The following CDH11 variants were observed in gnomAD, a reference collection of about 807,000 sequenced individuals.
The protein encoded by CDH11 is cadherin-11.
CDH11 carries 11 observed loss-of-function variants against 67.8 expected under a neutral mutation model. The observed-to-expected ratio is 0.16, with a 90% CI of 0.10 to 0.27. The LOEUF (loss-of-function observed/expected upper bound fraction) is 0.27, where lower values mean the gene tolerates loss of function less well. Among genes scored for constraint, CDH11 ranks in the 10% least tolerant of loss-of-function variants. The pLI, the probability that CDH11 is intolerant of heterozygous loss-of-function variation, is 1.00. For missense variants in CDH11, 847 were observed against 1,031.2 expected (o/e 0.82, Z 2.45); for synonymous variants, 419 against 400.0 (o/e 1.05, Z -0.57).
chr16:65,109,917 T>C (rs1435319972), intron 1 of CDH11, among the ~76,000 whole-genome samples: 3 of 152,206 alleles, frequency 2.0e-5, no homozygotes, highest in Non-Finnish European at 4.4e-5. Flanking sequence ...GGTCTGGATC[T>C]GACACCCAAG....
intron 2 of CDH11, among the ~76,000 whole-genome samples, chr16:65,018,285 A>G (rs1597098271): frequency 6.6e-6 from 1 of 152,164 alleles, no homozygotes; most frequent in East Asian, 1.9e-4. Context: ...AATTTTCCCA[A>G]GTGGCTTTTA....
chr16:65,062,443 C>T (rs1472446345), intron 1 of CDH11, among the ~76,000 whole-genome samples: 2 of 152,108 alleles, frequency 1.3e-5, no homozygotes, highest in East Asian at 3.9e-4. Context: ...GCTATCTTTC[C>T]ATAGTAAGAA....
intron 2 of CDH11, 58 bp from the exon 3 acceptor site, chr16:65,005,099 C>CCCCACTT: frequency 7.5e-7 from 1 of 1,324,692 alleles, no homozygotes; most frequent in South Asian, 2.2e-5. Flanking sequence ...CATTTCCATT[C>CCCCACTT]CTTTCAGTAA....
intron 2 of CDH11, among the ~76,000 whole-genome samples, chr16:65,040,085 G>A (rs2073836554): frequency 6.6e-6 from 1 of 152,164 alleles, no homozygotes; most frequent in Non-Finnish European, 1.5e-5. Flanking sequence ...GGAGAAATAG[G>A]AACACTTTTA....
intron 1 of CDH11, among the ~76,000 whole-genome samples, chr16:65,114,108 CTAGAGT>C (rs1364586493): frequency 1.3e-5 from 2 of 152,090 alleles, no homozygotes; most frequent in African/African-American, 4.8e-5. Context: ...CTTTTAATGA[CTAGAGT>C]TAATGAATCA....
rs190142405 is a variant in CDH11, at chr16:65,040,464, C to A, written c.-173+13340G>T. ...GCAAACTATCGCAAGGACAAAAAAA[C>A]CAAACACCGCGTGTTCTCAGTCATA... On this transcript the variant is annotated intron_variant, in intron 2 of 12. Coordinates refer to ENST00000268603, the MANE Select transcript of CDH11 (RefSeq NM_001797.4). Among the ~76,000 whole-genome samples, 478 of 152,034 alleles carry A rather than the reference C, an allele frequency of 3.1e-3. 1 individual carries two copies. The highest frequency in any genetic ancestry group is 3.8e-3 in the Non-Finnish European group (258 of 68,002).
intron 2 of CDH11, among the ~76,000 whole-genome samples, chr16:65,008,640 G>A (rs914235452): frequency 1.3e-5 from 2 of 152,078 alleles, no homozygotes; most frequent in Non-Finnish European, 2.9e-5. Flanking sequence ...GCAGACTTAC[G>A]CTTCTAGTAA....
At chr16:65,008,270 T>C (rs1388644652) in intron 2 of CDH11, among the ~76,000 whole-genome samples, 2 of 152,230 alleles carry the variant, frequency 1.3e-5, no homozygotes, top group Non-Finnish European at 2.9e-5. Flanking sequence ...TAACATTCAA[T>C]CTGTTAAAAA....
intron 4 of CDH11, among the ~76,000 whole-genome samples, chr16:64,995,005 G>A (rs985748056): frequency 1.3e-5 from 2 of 152,168 alleles, no homozygotes; most frequent in Admixed American, 6.5e-5. Flanking sequence ...TAACCAAGGA[G>A]GTAAATGATC....
At chr16:64,951,779 T>C (rs1175682788) in intron 11 of CDH11, among the ~76,000 whole-genome samples, 1 of 152,182 alleles carries the variant, frequency 6.6e-6, no homozygotes, top group Non-Finnish European at 1.5e-5. Flanking sequence ...ATCCACTCAT[T>C]AGTCATGTAA....
At position 64,998,779 on chromosome 16, in the gene CDH11, C is replaced by A. The variant is rs1314799552; in HGVS notation, c.306G>T (p.Val102=). The A allele has an allele frequency of 6.2e-7, 1 of 1,614,116 alleles. No individual in the cohort carries two copies. The highest frequency in any genetic ancestry group is 8.5e-7 in the Non-Finnish European group (1 of 1,179,980). Residue 102 remains valine, a synonymous_variant, in exon 4 of 13, where the codon GTG becomes GTT. Coordinates refer to ENST00000268603, the MANE Select transcript of CDH11 (RefSeq NM_001797.4). ...LSGEGAGTIF[V]IDDKSGNIHA... Reference sequence around the variant, plus strand: ...GAATGTTCCCTGATTTGTCATCAATCACAAAAATGGTTCCAGCTCCTTCCC... The same window carrying A: ...GAATGTTCCCTGATTTGTCATCAATAACAAAAATGGTTCCAGCTCCTTCCC...
At chr16:65,045,724 G>A (rs961536269) in intron 2 of CDH11, among the ~76,000 whole-genome samples, 31 of 152,076 alleles carry the variant, frequency 2.0e-4, no homozygotes, top group Admixed American at 6.6e-5. Flanking sequence ...CAGTAAATAC[G>A]TGTTTAATGC....
At chr16:64,989,622 C>G (rs1207900137) in intron 6 of CDH11, among the ~76,000 whole-genome samples, 1 of 152,022 alleles carries the variant, frequency 6.6e-6, no homozygotes, top group South Asian at 2.1e-4. Context: ...GAGAGAAGGG[C>G]TGTAAGGAAG....
intron 1 of CDH11, among the ~76,000 whole-genome samples, chr16:65,093,210 C>CTTTT (rs35724614): frequency 8.4e-6 from 1 of 119,102 alleles, no homozygotes; most frequent in African/African-American, 3.1e-5. Flanking sequence ...TGTTGGGTTC[C>CTTTT]TTTTTTTTTT....
chr16:65,008,852 C>T (rs542091839), intron 2 of CDH11, among the ~76,000 whole-genome samples: 2 of 152,228 alleles, frequency 1.3e-5, no homozygotes, highest in African/African-American at 4.8e-5. Flanking sequence ...ATACTAATAA[C>T]AGGACTAGAA....
At chr16:64,952,325 CTG>C (rs2071384359) in intron 11 of CDH11, among the ~76,000 whole-genome samples, 2 of 152,302 alleles carry the variant, frequency 1.3e-5, no homozygotes, top group African/African-American at 4.8e-5. Flanking sequence ...ACTTTGACCT[CTG>C]TGGGACTGTG....
rs1182561465 is a variant in CDH11 at position 64,945,314 on chromosome 16, A to G, written c.*2289T>C. The G allele has an allele frequency of 4.3e-5, 29 of 672,100 alleles. No individual in the cohort carries two copies. The highest frequency in any genetic ancestry group is 2.2e-4 in the East Asian group (3 of 13,942). 41.6% of individuals were successfully genotyped at this position (672,100 alleles called of 1,614,324 possible). A position where few individuals can be genotyped will look rare whatever the true frequency, so the allele number is the denominator to read the frequency against. On this transcript the variant is annotated 3_prime_UTR_variant, in exon 13 of 13. Coordinates refer to ENST00000268603, the MANE Select transcript of CDH11 (RefSeq NM_001797.4). ...AAAAATAAAAGGTAAAAAAAAAAAA[A>G]AAAAAGAAAAAGAAAAACAAGTATT... is the stretch of plus-strand genomic sequence containing the variant.
In CDH11 at chr16:65,121,854, A is replaced by G; in HGVS notation, c.-298+26T>C. Reference sequence around the variant, plus strand: ...TTCCAAGAAGCCCCAACCAGGCGAGAGGAAGGGACTGGCGGCGCACCTCAC... The same window carrying G: ...TTCCAAGAAGCCCCAACCAGGCGAGGGGAAGGGACTGGCGGCGCACCTCAC... On this transcript the variant is annotated intron_variant, in intron 1 of 12. Transcript: ENST00000268603. The surrounding 1 kb of genome is among the most constrained non-coding windows in gnomAD (Gnocchi z 4.1). 2.9e-6 allele frequency: 2 copies of G among 701,524 alleles called. No homozygotes were observed. The highest frequency in any genetic ancestry group is 3.0e-5 in the South Asian group (2 of 67,574). 43.5% of individuals were successfully genotyped at this position (701,524 alleles called of 1,614,324 possible).
chr16:65,051,535 T>C (rs898935685), intron 2 of CDH11, among the ~76,000 whole-genome samples: 3 of 152,176 alleles, frequency 2.0e-5, no homozygotes, highest in Non-Finnish European at 4.4e-5. Context: ...ACTATGGCCA[T>C]AGACAAGTTA....
Sources: allele counts gnomAD v4.1 joint callset (sites outside exome capture counted in the v4.1 genomes callset), GRCh38; gene constraint gnomAD v4.1.1; non-coding constraint Gnocchi (gnomAD v3.1); transcripts MANE v1.5; gene names NCBI Gene and HGNC (gene_info 2026-07-23, HGNC 2026-07-21).